CCNK: variants seen among roughly 807,000 people sequenced by gnomAD.
CCNK encodes the protein cyclin K, also known as cyclin-K.
CCNK carries 9 observed loss-of-function variants against 65.0 expected under a neutral mutation model. The observed-to-expected ratio is 0.14, with a 90% CI of 0.08 to 0.24. The LOEUF (loss-of-function observed/expected upper bound fraction) is 0.24, where lower values mean the gene tolerates loss of function less well. CCNK is among the 10% of genes least tolerant of loss of function. The probability of loss-of-function intolerance (pLI) is 1.00; values close to 1 mark genes in which losing one functional copy is unlikely to be tolerated. For missense variants in CCNK, 474 were observed against 720.0 expected (o/e 0.66, Z 3.91); for synonymous variants, 279 against 270.8 (o/e 1.03, Z -0.30).
At chr14:99,501,242 T>C in intron 5 of CCNK, 114 bp from the exon 6 acceptor site, 1 of 721,682 alleles carries the variant, frequency 1.4e-6, no homozygotes, top group Non-Finnish European at 2.5e-6. Flanking sequence ...ACGCAAAAGC[T>C]CTTTGCTGTG....
intron 2 of CCNK, chr14:99,493,203 G>A: frequency 2.4e-6 from 1 of 420,274 alleles, no homozygotes; most frequent in Non-Finnish European, 4.2e-6. Context: ...TGGAGTTCGA[G>A]ACCAACCTGG....
Position 99,502,206 on chromosome 14 carries a change from G to A in CCNK, c.576-1G>A. On this transcript the variant is annotated splice_acceptor_variant, in intron 6 of 10. Transcript: ENST00000389879. LOFTEE classifies it high-confidence loss of function. ...AACCTTTTTTTTTCTTGTTGAACTA[G>A]TCTCTGCACCACCTTGTCACTGCAG... 6.3e-7 allele frequency: 1 copy of A among 1,579,968 alleles called. No homozygotes were observed. The highest frequency in any genetic ancestry group is 8.6e-7 in the Non-Finnish European group (1 of 1,162,434).
chr14:99,502,585 A>G, intron 7 of CCNK, 134 bp from the exon 8 acceptor site: 1 of 1,206,672 alleles, frequency 8.3e-7, no homozygotes, highest in South Asian at 1.5e-5. Flanking sequence ...GTTGCACACA[A>G]CGAAGATGGG....
chr14:99,510,688 T>C lies in CCNK; in HGVS notation c.1649T>C (p.Val550Ala), dbSNP rs577528220. ...LPPASYPPPA[V>A]PPGGQPPVPP... ...CCAGCCAGCTACCCACCTCCTGCCG[T>C]CCCCCCTGGAGGACAGCCTCCTGTG... Residue 550 changes from valine (V) to alanine (A), a missense_variant, in exon 11 of 11, where the codon GTC (valine) becomes GCC (alanine). Around this residue, in one of 6 missense-constraint regions of CCNK, gnomAD observed 53 missense variants for 91.4 expected, o/e 0.58. Coordinates refer to ENST00000389879, the MANE Select transcript of CCNK (RefSeq NM_001099402.2). The C allele has an allele frequency of 2.9e-4, 387 of 1,336,996 alleles. 4 individuals carry two copies. Among genetic ancestry groups the C allele is most frequent in the Non-Finnish European group, 5.1e-5 (53 of 1,038,394 alleles). 82.8% of individuals were successfully genotyped at this position (1,336,996 alleles called of 1,614,324 possible).
At chr14:99,495,390 A>G in intron 3 of CCNK, 108 bp from the exon 4 acceptor site, 1 of 895,608 alleles carries the variant, frequency 1.1e-6, no homozygotes. Context: ...ATAAAAAGAA[A>G]GGTAGGGGAA....
chr14:99,488,120 C>A (rs866342710), intron 1 of CCNK, among the ~76,000 whole-genome samples: 1 of 152,164 alleles, frequency 6.6e-6, no homozygotes, highest in South Asian at 2.1e-4. Context: ...CAAAATACTT[C>A]AGCCTTCATC....
Position 99,502,865 on chromosome 14 carries a change from G to A in CCNK, c.892G>A (p.Glu298Lys), listed in dbSNP as rs1380915763. The change falls in exon 8 of 11, where the codon GAA (glutamate) becomes AAA (lysine). Residue 298 changes from glutamate (E) to lysine (K), a missense_variant. Physicochemically the swap from Glu to Lys is moderately conservative, Grantham distance 56. Around this residue, in one of 6 missense-constraint regions of CCNK, gnomAD observed 229 missense variants for 275.5 expected, o/e 0.83. Coordinates refer to ENST00000389879, the MANE Select transcript of CCNK (RefSeq NM_001099402.2). ...GCAGTCACAGCCGTCTCAAAGCTCC[G>A]AACCATCCCAGCCCCAGCAGAAGGA... ...VQQSQPSQSSEPSQPQQKDPQ... is the reference protein window; with the variant it reads ...VQQSQPSQSSKPSQPQQKDPQ... 7 of 1,612,720 alleles carry A rather than the reference G, an allele frequency of 4.3e-6. No homozygotes were observed. The highest frequency in any genetic ancestry group is 1.1e-5 in the South Asian group (1 of 90,956).
chr14:99,502,158 A>G (rs1896846869), intron 6 of CCNK, 49 bp from the exon 7 acceptor site: 1 of 1,519,276 alleles, frequency 6.6e-7, no homozygotes, highest in African/African-American at 1.4e-5. Flanking sequence ...TGGTTTAATC[A>G]TAAATATTAG....
At chr14:99,509,954 C>T (rs942765480) in intron 10 of CCNK, 4 of 607,604 alleles carry the variant, frequency 6.6e-6, no homozygotes, top group Non-Finnish European at 1.2e-5. Context: ...TCGTCGCAGA[C>T]AGGGTGGAGG....
intron 1 of CCNK, among the ~76,000 whole-genome samples, chr14:99,484,076 A>G (rs961483071): frequency 6.6e-6 from 1 of 152,268 alleles, no homozygotes; most frequent in African/African-American, 2.4e-5. Context: ...GTGTGATTAC[A>G]TTTACAAAAC....
intron 4 of CCNK, among the ~76,000 whole-genome samples, chr14:99,498,181 C>T (rs1350109593): frequency 6.6e-6 from 1 of 152,104 alleles, no homozygotes; most frequent in Non-Finnish European, 1.5e-5. Context: ...CTTGGAGAAG[C>T]CCCCTTTACT....
chr14:99,503,495 T>G, intron 8 of CCNK, 116 bp from the exon 9 acceptor site: 1 of 811,706 alleles, frequency 1.2e-6, no homozygotes, highest in Non-Finnish European at 2.0e-6. Context: ...ATAATTTTTG[T>G]CCGAGGCTGT....
chr14:99,499,818 A>G (rs1011071816), intron 4 of CCNK, among the ~76,000 whole-genome samples: 4 of 152,232 alleles, frequency 2.6e-5, no homozygotes, highest in African/African-American at 9.6e-5. Flanking sequence ...GACTGAAAAG[A>G]TATTAATAAA....
In CCNK at chr14:99,481,410, A is replaced by T. The variant is rs1017493233; in HGVS notation, c.-122A>T. On this transcript the variant is annotated 5_prime_UTR_variant, in exon 1 of 11. Transcript: ENST00000389879. ...CGCAGCGTGATGACGTAGGTCCCCG[A>T]CATTCCATATACAAGATGGCCGCAG... 5.0e-6 allele frequency: 2 copies of T among 398,544 alleles called. No individual in the cohort carries two copies. Among genetic ancestry groups the T allele is most frequent in the African/African-American group, 4.1e-5 (2 of 48,618 alleles). 24.7% of individuals were successfully genotyped at this position (398,544 alleles called of 1,614,324 possible).
rs1486786613 is a variant in CCNK, at chr14:99,502,187, T to G, written c.576-20T>G. The G allele has an allele frequency of 1.3e-6, 2 of 1,553,594 alleles. No individual in the cohort carries two copies. The highest frequency in any genetic ancestry group is 2.7e-5 in the African/African-American group (2 of 72,948). The stretch of plus-strand genomic sequence containing the variant: ...ATATTAGATCATATTATCTAACCTT[T>G]TTTTTTCTTGTTGAACTAGTCTCTG... On this transcript the variant is annotated intron_variant, in intron 6 of 10. Transcript: ENST00000389879.
rs372362013 is a variant in CCNK, at chr14:99,495,581, T to C, written c.363T>C (p.Arg121=). The C allele has an allele frequency of 2.8e-5, 45 of 1,612,918 alleles. No individual in the cohort carries two copies. The African/African-American group carries it at 3.7e-4, about 13-fold the overall frequency. ...KKCKDIIKTA[R]SLLNDVQFGQ... Reference sequence around the variant, plus strand: ...GTAAAGATATCATCAAAACAGCTCGTAGTTTATTAAATGATGTACAATTTG... The same window carrying C: ...GTAAAGATATCATCAAAACAGCTCGCAGTTTATTAAATGATGTACAATTTG... Residue 121 remains arginine (R), a synonymous_variant, in exon 4 of 11, where the codon CGT becomes CGC. Transcript: ENST00000389879.
At chr14:99,483,097 G>A (rs553071379) in intron 1 of CCNK, among the ~76,000 whole-genome samples, 2 of 152,268 alleles carry the variant, frequency 1.3e-5, no homozygotes, top group South Asian at 4.1e-4. Context: ...ACTAGAATCT[G>A]GTAAATGTCT....
Position 99,484,081 on chromosome 14 carries a change from C to A in CCNK, c.-53+2602C>A, listed in dbSNP as rs372508928. Among the ~76,000 whole-genome samples the A allele has an allele frequency of 1.8e-3, 281 of 152,322 alleles. 1 individual carries two copies. Among genetic ancestry groups the A allele is most frequent in the African/African-American group, 6.4e-3 (265 of 41,578 alleles). On this transcript the variant is annotated intron_variant, in intron 1 of 10. Transcript: ENST00000389879. ...AATTTACTTGGTGTGATTACATTTA[C>A]AAAACCTGAGTTTTCCTGGCTTGAC... is the stretch of plus-strand genomic sequence containing the variant.
In CCNK at chr14:99,509,840, G is replaced by T. The variant is rs543176526; in HGVS notation, c.1118-317G>T. The T allele has an allele frequency of 1.4e-5, 6 of 434,532 alleles. No homozygotes were observed. In the South Asian group the frequency reaches 1.9e-4, roughly 13 times the overall value. The allele number at this position is 434,532 out of a possible 1,614,324, so 26.9% of individuals were successfully genotyped here. On this transcript the variant is annotated intron_variant, in intron 10 of 10. Coordinates refer to ENST00000389879, the MANE Select transcript of CCNK (RefSeq NM_001099402.2). The stretch of plus-strand genomic sequence containing the variant: ...AAACAGAGGAGCCCCCACACGTTTT[G>T]CACTAGGAAGAGGGGGCTGGGGCCA...
Sources: gnomAD v4.1 joint callset for allele counts (sites outside exome capture counted in the v4.1 genomes callset) on GRCh38, gnomAD v4.1.1 for gene constraint, gnomAD v4.1.1 regional missense constraint, MANE v1.5 for transcripts, NCBI Gene and HGNC (gene_info 2026-07-23, HGNC 2026-07-21) for gene names.